The following RALYL variants were observed in gnomAD, a reference collection of about 807,000 sequenced individuals.
RALYL encodes the protein RALY RNA binding protein like, also known as RNA-binding Raly-like protein.
Under a neutral mutation model 35.1 loss-of-function variants are expected in RALYL, and 29 were observed. The observed-to-expected ratio is 0.83, with a 90% CI of 0.61 to 1.13. The LOEUF is 1.13. RALYL is among the 50% of genes most tolerant of loss of function. RALYL has a pLI of 0.00. For synonymous variants in RALYL, 120 were observed against 127.6 expected (o/e 0.94, Z 0.40); for missense variants, 359 against 360.4 (o/e 1.00, Z 0.03).
intron 1 of RALYL, among the ~76,000 whole-genome samples, chr8:84,354,976 A>G (rs529342833): frequency 1.3e-5 from 2 of 150,214 alleles, no homozygotes; most frequent in Non-Finnish European, 1.5e-5. Context: ...GAGTGCTTCT[A>G]TCTCATGCGC....
chr8:84,754,599 CTGCCCTTGGCAGGAT>C (rs1810932563), intron 2 of RALYL, among the ~76,000 whole-genome samples: 1 of 152,162 alleles, frequency 6.6e-6, no homozygotes, highest in Non-Finnish European at 1.5e-5. Flanking sequence ...TCTAAGGATC[CTGCCCTTGGCAGGAT>C]GTTCACCAGT....
At chr8:84,655,255 A>G (rs972376043) in intron 2 of RALYL, among the ~76,000 whole-genome samples, 61 of 150,820 alleles carry the variant, frequency 4.0e-4, no homozygotes, top group African/African-American at 1.5e-3. Flanking sequence ...AGAAATGTCT[A>G]TTCAGATCTT....
At chr8:84,833,984 T>G (rs1563704659) in intron 4 of RALYL, among the ~76,000 whole-genome samples, 2 of 151,982 alleles carry the variant, frequency 1.3e-5, no homozygotes, top group African/African-American at 2.4e-5. Context: ...CTCCAACATT[T>G]TTAAAAGCTA....
rs552288013 is a variant in RALYL, at chr8:84,667,483, C to T, written c.257-107096C>T. 1.1e-4 allele frequency among the ~76,000 whole-genome samples: 16 copies of T among 152,214 alleles called. No homozygotes were observed. In the Middle Eastern group the frequency reaches 0.017, roughly 162 times the overall value. Reference sequence around the variant, plus strand: ...CTGATTGACTAGTTATGCTGCAGTACAGTGGGTATAGGAAAATCAAGATAA... The same window carrying T: ...CTGATTGACTAGTTATGCTGCAGTATAGTGGGTATAGGAAAATCAAGATAA... On this transcript the variant is annotated intron_variant, in intron 2 of 8. Transcript: ENST00000521268.
chr8:84,705,953 A>G (rs1841127396), intron 2 of RALYL: 1 of 1,527,884 alleles, frequency 6.5e-7, no homozygotes, highest in Non-Finnish European at 8.7e-7. Context: ...ACTGCAAAGC[A>G]GGAGCACAAC....
intron 1 of RALYL, among the ~76,000 whole-genome samples, chr8:84,491,014 G>A (rs2055233560): frequency 2.6e-5 from 4 of 151,900 alleles, no homozygotes; most frequent in Admixed American, 1.3e-4. Flanking sequence ...GTATGAGGAA[G>A]CATTTATGAT....
At chr8:84,329,824 A>G (rs1397436970) in intron 1 of RALYL, among the ~76,000 whole-genome samples, 1 of 152,052 alleles carries the variant, frequency 6.6e-6, no homozygotes, top group African/African-American at 2.4e-5. Context: ...AGAACTATTT[A>G]TTTTGCATAT....
intron 2 of RALYL, among the ~76,000 whole-genome samples, chr8:84,595,835 A>C (rs1814395733): frequency 6.8e-6 from 1 of 147,274 alleles, no homozygotes; most frequent in African/African-American, 2.5e-5. Flanking sequence ...CCTGATCATT[A>C]AGGCATGCAT....
At chr8:84,427,770 G>A (rs535088672) in intron 1 of RALYL, among the ~76,000 whole-genome samples, 19 of 152,180 alleles carry the variant, frequency 1.2e-4, no homozygotes, top group Admixed American at 7.9e-4. Flanking sequence ...GTCCTCTACC[G>A]CTCTAGCTTT....
At chr8:84,754,965 A>G (rs1049018020) in intron 2 of RALYL, among the ~76,000 whole-genome samples, 1 of 152,212 alleles carries the variant, frequency 6.6e-6, no homozygotes, top group Admixed American at 6.5e-5. Flanking sequence ...TAACTTGCCC[A>G]AGTTTGCAGT....
At chr8:84,772,998 A>T (rs911107812) in intron 2 of RALYL, among the ~76,000 whole-genome samples, 15 of 152,040 alleles carry the variant, frequency 9.9e-5, no homozygotes, top group Non-Finnish European at 2.2e-4. Flanking sequence ...TAAGTAAGGA[A>T]TTTTTCTTCT....
At chr8:84,838,984 C>T (rs2134526401) in intron 4 of RALYL, among the ~76,000 whole-genome samples, 1 of 152,144 alleles carries the variant, frequency 6.6e-6, no homozygotes, top group Admixed American at 6.5e-5. Context: ...TTGGGGGCGG[C>T]AGGTGGGGCC....
chr8:84,851,070 A>G (rs1429049297), intron 5 of RALYL, among the ~76,000 whole-genome samples: 7 of 152,176 alleles, frequency 4.6e-5, no homozygotes, highest in Non-Finnish European at 1.0e-4. Context: ...ATCTAGTATT[A>G]TCACTCTTCG....
intron 1 of RALYL, among the ~76,000 whole-genome samples, chr8:84,328,359 C>T (rs1018431042): frequency 6.6e-6 from 1 of 152,170 alleles, no homozygotes; most frequent in African/African-American, 2.4e-5. Context: ...AGTATGAATA[C>T]ACAATAAGCG....
intron 8 of RALYL, among the ~76,000 whole-genome samples, chr8:84,919,350 T>G (rs990553070): frequency 1.3e-5 from 2 of 152,064 alleles, no homozygotes; most frequent in Admixed American, 6.6e-5. Context: ...TTTATTTTAT[T>G]TTTTAAGTTA....
chr8:84,456,569 T>C (rs1479094), intron 1 of RALYL, among the ~76,000 whole-genome samples: 19 of 151,702 alleles, frequency 1.3e-4, no homozygotes, highest in African/African-American at 4.6e-4. Flanking sequence ...GAATGATTCA[T>C]TGTCTGTCAT....
intron 1 of RALYL, among the ~76,000 whole-genome samples, chr8:84,266,568 C>T (rs1833339824): frequency 6.6e-6 from 1 of 152,164 alleles, no homozygotes; most frequent in South Asian, 2.1e-4. Flanking sequence ...TCAGGCTAGC[C>T]CTCTGGCAAG....
chr8:84,540,261 T>C (rs1352567951), intron 2 of RALYL, among the ~76,000 whole-genome samples: 1 of 151,760 alleles, frequency 6.6e-6, no homozygotes, highest in African/African-American at 2.4e-5. Context: ...TAGCTTTGTC[T>C]CATTACGTGA....
At chr8:84,330,531 G>A (rs1219290395) in intron 1 of RALYL, among the ~76,000 whole-genome samples, 1 of 151,978 alleles carries the variant, frequency 6.6e-6, no homozygotes, top group African/African-American at 2.4e-5. Context: ...TCATAAAATG[G>A]ATATTATTCA....
Sources: gnomAD v4.1 joint callset for allele counts (sites outside exome capture counted in the v4.1 genomes callset) on GRCh38, gnomAD v4.1.1 for gene constraint, MANE v1.5 for transcripts, NCBI Gene and HGNC (gene_info 2026-07-23, HGNC 2026-07-21) for gene names.